The following FRMD4A variants were observed in gnomAD, a reference collection of about 807,000 sequenced individuals.
The protein encoded by FRMD4A is FERM domain containing 4A, also known as FERM domain-containing protein 4A.
A neutral mutation model predicts 129.1 loss-of-function variants in FRMD4A; 29 were observed. The ratio of observed to expected loss-of-function variants is 0.22; its 90% CI spans 0.17 to 0.31. FRMD4A has a LOEUF of 0.31. FRMD4A is among the 10% of genes least tolerant of loss of function. FRMD4A has a pLI of 1.00. For synonymous variants in FRMD4A, 634 were observed against 571.6 expected (o/e 1.11, Z -1.56); for missense variants, 1,272 against 1,375.8 (o/e 0.92, Z 1.19).
chr10:14,014,678 C>T (rs998281212), intron 2 of FRMD4A, among the ~76,000 whole-genome samples: 12 of 152,194 alleles, frequency 7.9e-5, no homozygotes, highest in South Asian at 2.1e-4. Flanking sequence ...ACCAAGACAT[C>T]AAGCAACACT....
At chr10:13,857,102 T>C (rs2094224064) in intron 3 of FRMD4A, among the ~76,000 whole-genome samples, 2 of 152,338 alleles carry the variant, frequency 1.3e-5, no homozygotes, top group South Asian at 2.1e-4. Flanking sequence ...CTTTAGGCCA[T>C]AGAGTCTAGC....
intron 8 of FRMD4A, among the ~76,000 whole-genome samples, chr10:13,750,886 G>A (rs939757637): frequency 6.6e-6 from 1 of 152,172 alleles, no homozygotes; most frequent in African/African-American, 2.4e-5. Context: ...TAAAGGCATA[G>A]TTTCAGCAAG....
intron 2 of FRMD4A, among the ~76,000 whole-genome samples, chr10:13,882,993 G>A (rs1451665973): frequency 6.6e-6 from 1 of 151,832 alleles, no homozygotes; most frequent in Non-Finnish European, 1.5e-5. Context: ...TTGTAGAGAC[G>A]GGGTTTTGCC....
At chr10:13,783,843 T>C (rs1241026623) in intron 5 of FRMD4A, among the ~76,000 whole-genome samples, 2 of 152,220 alleles carry the variant, frequency 1.3e-5, no homozygotes, top group Admixed American at 6.5e-5. Flanking sequence ...TCGGATTTCA[T>C]CTAGATGGAG....
chr10:14,114,840 T>C (rs2131801281), intron 2 of FRMD4A, among the ~76,000 whole-genome samples: 1 of 152,272 alleles, frequency 6.6e-6, no homozygotes, highest in Middle Eastern at 3.4e-3. Context: ...AAAATCCCAT[T>C]TAAGCTACTG....
intron 2 of FRMD4A, among the ~76,000 whole-genome samples, chr10:14,031,244 G>A (rs1215688860): frequency 6.6e-6 from 1 of 151,214 alleles, no homozygotes; most frequent in African/African-American, 2.4e-5. Flanking sequence ...AATCTTTACT[G>A]CATCCTCCTG....
intron 2 of FRMD4A, among the ~76,000 whole-genome samples, chr10:14,220,524 T>G (rs777734267): frequency 7.9e-5 from 12 of 152,196 alleles, no homozygotes; most frequent in Non-Finnish European, 1.5e-4. Flanking sequence ...ATAATTGAAT[T>G]TTTTGTATGT....
At chr10:13,844,491 A>G (rs1457964870) in intron 3 of FRMD4A, among the ~76,000 whole-genome samples, 1 of 152,186 alleles carries the variant, frequency 6.6e-6, no homozygotes, top group Non-Finnish European at 1.5e-5. Context: ...GGCCAAAGTA[A>G]AGGAATGCCG....
chr10:14,026,138 G>A (rs17154450), intron 2 of FRMD4A, among the ~76,000 whole-genome samples: 2,066 of 152,212 alleles, frequency 0.014, 58 homozygotes, highest in African/African-American at 0.046. Flanking sequence ...AAGAAGGTGG[G>A]CCTCATGAGA....
At chr10:13,743,150 C>A (rs997655475) in intron 9 of FRMD4A, among the ~76,000 whole-genome samples, 1 of 152,150 alleles carries the variant, frequency 6.6e-6, no homozygotes, top group Non-Finnish European at 1.5e-5. Context: ...ATCCTCTATT[C>A]AGAAAGGGGC....
At chr10:13,909,192 T>C (rs2094914103) in intron 2 of FRMD4A, among the ~76,000 whole-genome samples, 1 of 152,250 alleles carries the variant, frequency 6.6e-6, no homozygotes, top group South Asian at 2.1e-4. Flanking sequence ...TGAGACACAG[T>C]ATGTGCTTAA....
intron 3 of FRMD4A, among the ~76,000 whole-genome samples, chr10:13,818,518 C>T (rs953661087): frequency 5.9e-5 from 9 of 152,152 alleles, no homozygotes; most frequent in East Asian, 3.9e-4. Context: ...TTCCTACAAA[C>T]GATCCTGCCT....
At position 14,280,982 on chromosome 10, in the gene FRMD4A, A is replaced by ATTTT. The variant is rs772555677; in HGVS notation, c.45+49072_45+49075dup. Among the ~76,000 whole-genome samples the ATTTT allele has an allele frequency of 1.3e-3, 100 of 76,550 alleles. 11 individuals carry two copies. The highest frequency in any genetic ancestry group is 4.0e-3 in the African/African-American group (74 of 18,610). The allele number at this position is 76,550 out of a possible 152,430, so 50.2% of individuals were successfully genotyped here. ...CCCTGATCCAATCTGACTGGTTTCA[A>ATTTT]TTTTTTTTTTTTTTTTTTTTTTTTT... On this transcript the variant is annotated intron_variant, in intron 2 of 24. Coordinates refer to ENST00000357447, the MANE Select transcript of FRMD4A (RefSeq NM_018027.5).
At chr10:14,126,169 C>CA (rs760980510) in intron 2 of FRMD4A, among the ~76,000 whole-genome samples, 10 of 122,382 alleles carry the variant, frequency 8.2e-5, no homozygotes, top group African/African-American at 3.1e-4. Flanking sequence ...ACCTTGCCCA[C>CA]TTTTTTTTTT....
Position 13,810,814 on chromosome 10 carries a change from G to C in FRMD4A, c.206C>G (p.Thr69Arg). The change falls in exon 4 of 25, where the codon ACG (threonine) becomes AGG (arginine). Residue 69 changes from threonine (T) to arginine (R), a missense_variant and splice_region_variant. Around this residue, in one of 2 missense-constraint regions of FRMD4A, gnomAD observed 300 missense variants for 483.6 expected, o/e 0.62. Transcript: ENST00000357447. ...EYFGIAFTDE[T>R]GHLNWLQLDR... is the part of the protein sequence containing the mutation. ...TGTGAGGGCTCAAGGCAGTACTTACGTTTCATCTGTGAATGCTATTCCAAA... is the reference window on the plus strand; with the variant it reads ...TGTGAGGGCTCAAGGCAGTACTTACCTTTCATCTGTGAATGCTATTCCAAA... 3 of 1,520,856 alleles carry C rather than the reference G, an allele frequency of 2.0e-6. No individual in the cohort carries two copies. Among genetic ancestry groups the C allele is most frequent in the Non-Finnish European group, 2.7e-6 (3 of 1,096,348 alleles). 94.2% of individuals were successfully genotyped at this position (1,520,856 alleles called of 1,614,324 possible). A position where few individuals can be genotyped will look rare whatever the true frequency, so the allele number is the denominator to read the frequency against.
chr10:14,026,519 A>G (rs563496953), intron 2 of FRMD4A, among the ~76,000 whole-genome samples: 22 of 152,178 alleles, frequency 1.4e-4, no homozygotes, highest in Non-Finnish European at 2.4e-4. Context: ...GTCCCACAGC[A>G]GGTGTCTCTT....
At chr10:13,853,523 C>A (rs193231474) in intron 3 of FRMD4A, among the ~76,000 whole-genome samples, 1 of 151,842 alleles carries the variant, frequency 6.6e-6, no homozygotes, top group South Asian at 2.1e-4. Context: ...GTTGATAGAG[C>A]GAGACCCTGC....
At chr10:13,802,725 C>T (rs2093280722) in intron 4 of FRMD4A, among the ~76,000 whole-genome samples, 1 of 152,144 alleles carries the variant, frequency 6.6e-6, no homozygotes, top group African/African-American at 2.4e-5. Context: ...CCTCCTACTT[C>T]AGCCTTCCAA....
At chr10:13,945,720 C>T (rs2095326567) in intron 2 of FRMD4A, among the ~76,000 whole-genome samples, 1 of 152,168 alleles carries the variant, frequency 6.6e-6, no homozygotes. Context: ...TTTAATAAAG[C>T]TCACTTGATT....
Sources: gnomAD v4.1 joint callset for allele counts (sites outside exome capture counted in the v4.1 genomes callset) on GRCh38, gnomAD v4.1.1 for gene constraint, gnomAD v4.1.1 regional missense constraint, MANE v1.5 for transcripts, NCBI Gene and HGNC (gene_info 2026-07-23, HGNC 2026-07-21) for gene names.